Variants in ADGRL2 observed in about 807,000 individuals in gnomAD.
ADGRL2 encodes calcium-independent alpha-latrotoxin receptor 2.
Under a neutral mutation model 157.4 loss-of-function variants are expected in ADGRL2, and 44 were observed. The observed-to-expected ratio is 0.28, with a 90% confidence interval of 0.22 to 0.36. The LOEUF (loss-of-function observed/expected upper bound fraction) is 0.36, where lower values mean the gene tolerates loss of function less well. Ranked by LOEUF, ADGRL2 falls within the 10% of genes least tolerant of loss-of-function variation. The pLI is 1.00. For missense variants in ADGRL2, 1,510 were observed against 1,768.9 expected, an observed-to-expected ratio of 0.85 and a Z score of 2.63; for synonymous variants, 585 against 624.7, an observed-to-expected ratio of 0.94 and a Z score of 0.95.
chr1:81,792,345 A>G (rs916488120), intron 2 of ADGRL2, among the ~76,000 whole-genome samples: 17 of 152,246 alleles, frequency 1.1e-4, no homozygotes, highest in Non-Finnish European at 2.2e-4. Context: ...ACACATCAGC[A>G]GCAACACCAA....
intron 3 of ADGRL2, among the ~76,000 whole-genome samples, chr1:81,635,381 C>G (rs17456905): frequency 6.6e-6 from 1 of 152,094 alleles, no homozygotes; most frequent in Admixed American, 6.5e-5. Context: ...GCTCTGCCTT[C>G]GACTTAGAAA....
chr1:81,692,299 T>G (rs1014704969), intron 3 of ADGRL2, among the ~76,000 whole-genome samples: 1 of 151,926 alleles, frequency 6.6e-6, no homozygotes, highest in Non-Finnish European at 1.5e-5. Context: ...AGAGACTCTG[T>G]CTCAAAAAAT....
chr1:81,324,549 T>A (rs1276985917), intron 1 of ADGRL2, among the ~76,000 whole-genome samples: 1 of 149,082 alleles, frequency 6.7e-6, no homozygotes, highest in Non-Finnish European at 1.5e-5. Flanking sequence ...TTTAAAATTA[T>A]ATATTAAAAA....
At chr1:81,353,063 T>C (rs1305247240) in intron 1 of ADGRL2, among the ~76,000 whole-genome samples, 6 of 152,192 alleles carry the variant, frequency 3.9e-5, no homozygotes, top group African/African-American at 2.4e-5. Context: ...TAGTGGGCAA[T>C]ATTCTGCATA....
At chr1:81,452,181 CA>C (rs2077714829) in intron 2 of ADGRL2, among the ~76,000 whole-genome samples, 1 of 152,110 alleles carries the variant, frequency 6.6e-6, no homozygotes, top group Non-Finnish European at 1.5e-5. Flanking sequence ...TTACAGGATG[CA>C]AGTTTTTATC....
Position 81,985,271 on chromosome 1 carries a change from A to C in ADGRL2, c.3424A>C (p.Arg1142=). 1 of 1,590,932 alleles carries C rather than the reference A, an allele frequency of 6.3e-7. No individual in the cohort carries two copies. The highest frequency in any genetic ancestry group is 8.6e-7 in the Non-Finnish European group (1 of 1,161,406). Residue 1142 remains arginine (R), a synonymous_variant, in exon 21 of 24, where the codon AGA becomes CGA. Transcript: ENST00000686636. The part of the protein sequence containing the change: ...YSSGTQSRIR[R]MWNDTVRKQS... Reference sequence around the variant, plus strand: ...TTTGTATTAATAGAGTCGTATAAGAAGAATGTGGAATGATACTGTGAGAAA... The same window carrying C: ...TTTGTATTAATAGAGTCGTATAAGACGAATGTGGAATGATACTGTGAGAAA...
Position 81,991,131 on chromosome 1 carries a change from G to T in ADGRL2, c.4396G>T (p.Val1466Phe). The stretch of plus-strand genomic sequence containing the variant: ...TGTTAGAGAAGGACAAATGCAGCTG[G>T]TTACAAGTCTTTAATCATACAGCTA... Reference protein sequence around the residue: ...GDVREGQMQLVTSL With the variant: ...GDVREGQMQLFTSL Residue 1466 changes from valine (V) to phenylalanine (F), a missense_variant, in exon 24 of 24, where the codon GTT becomes TTT. Coordinates refer to ENST00000686636, the MANE Select transcript of ADGRL2 (RefSeq NM_001366006.2). 1 of 1,603,346 alleles carries T rather than the reference G, an allele frequency of 6.2e-7. No individual in the cohort carries two copies. Among genetic ancestry groups the T allele is most frequent in the Non-Finnish European group, 8.5e-7 (1 of 1,172,722 alleles).
chr1:81,927,802 G>GT (rs765771148), intron 3 of ADGRL2, among the ~76,000 whole-genome samples: 3 of 151,872 alleles, frequency 2.0e-5, no homozygotes, highest in Admixed American at 6.6e-5. Context: ...CTAATGTTAT[G>GT]TTTACCTAGC....
intron 2 of ADGRL2, among the ~76,000 whole-genome samples, chr1:81,550,273 T>C (rs2148381046): frequency 6.6e-6 from 1 of 152,314 alleles, no homozygotes; most frequent in South Asian, 2.1e-4. Context: ...GCAAAGCCTT[T>C]TGTAAAGCTA....
At chr1:81,370,137 A>T (rs1256661214) in intron 1 of ADGRL2, among the ~76,000 whole-genome samples, 1 of 152,090 alleles carries the variant, frequency 6.6e-6, no homozygotes, top group African/African-American at 2.4e-5. Context: ...GGGAACTGCC[A>T]GAAAAAACAA....
chr1:81,893,185 G>C (rs1468438386), intron 2 of ADGRL2, among the ~76,000 whole-genome samples: 3 of 152,090 alleles, frequency 2.0e-5, no homozygotes, highest in Non-Finnish European at 4.4e-5. Context: ...ATAGTCCTTA[G>C]TCATGATGCT....
intron 2 of ADGRL2, among the ~76,000 whole-genome samples, chr1:81,771,402 T>C (rs2086361898): frequency 6.6e-6 from 1 of 152,108 alleles, no homozygotes; most frequent in South Asian, 2.1e-4. Context: ...CCTGCTAGCA[T>C]AGGGGGAAAG....
At chr1:81,654,748 C>T (rs898345368) in intron 3 of ADGRL2, among the ~76,000 whole-genome samples, 5 of 152,184 alleles carry the variant, frequency 3.3e-5, no homozygotes, top group African/African-American at 9.7e-5. Flanking sequence ...TCATTTAACT[C>T]TCACTGTAGT....
chr1:81,487,778 T>C (rs1207904523), intron 2 of ADGRL2, among the ~76,000 whole-genome samples: 1 of 152,216 alleles, frequency 6.6e-6, no homozygotes, highest in Non-Finnish European at 1.5e-5. Flanking sequence ...CCATGGAGTT[T>C]GTATCTGAAT....
At chr1:81,786,349 G>A (rs1244936780) in intron 2 of ADGRL2, among the ~76,000 whole-genome samples, 4 of 152,112 alleles carry the variant, frequency 2.6e-5, no homozygotes, top group African/African-American at 7.2e-5. Flanking sequence ...AGGCTGACAC[G>A]GGTGGATCAC....
chr1:81,677,064 G>A (rs1041529363), intron 3 of ADGRL2, among the ~76,000 whole-genome samples: 7 of 147,852 alleles, frequency 4.7e-5, no homozygotes, highest in East Asian at 2.0e-4. Context: ...TCGGCTCATC[G>A]CAACTCTGCC....
At chr1:81,350,323 T>G (rs1302414328) in intron 1 of ADGRL2, among the ~76,000 whole-genome samples, 1 of 152,228 alleles carries the variant, frequency 6.6e-6, no homozygotes, top group Non-Finnish European at 1.5e-5. Context: ...TGCTTACTGT[T>G]GTGAGAAATC....
intron 2 of ADGRL2, among the ~76,000 whole-genome samples, chr1:81,845,547 T>C (rs2092753909): frequency 6.6e-6 from 1 of 152,072 alleles, no homozygotes; most frequent in Non-Finnish European, 1.5e-5. Context: ...ATAAATTAAA[T>C]TTGTAATTTG....
In ADGRL2 at chr1:81,343,785, G is replaced by A. The variant is rs575320095; in HGVS notation, c.-302+37276G>A. Among the ~76,000 whole-genome samples, 9 of 152,250 alleles carry A rather than the reference G, an allele frequency of 5.9e-5. No individual in the cohort carries two copies. The South Asian group carries it at 1.9e-3, about 32-fold the overall frequency. On this transcript the variant is annotated intron_variant, in intron 1 of 24. Coordinates refer to the ADGRL2 transcript ENST00000370721. ...ACACTGGTGCTTCCACTTCTTCTAAGGAAACTAAATCCAATTGCTGGGGCT... is the reference window on the plus strand; with the variant it reads ...ACACTGGTGCTTCCACTTCTTCTAAAGAAACTAAATCCAATTGCTGGGGCT...
Sources: gnomAD v4.1 joint callset for allele counts (sites outside exome capture counted in the v4.1 genomes callset) on GRCh38, gnomAD v4.1.1 for gene constraint, MANE v1.5 for transcripts, NCBI Gene and HGNC (gene_info 2026-07-23, HGNC 2026-07-21) for gene names.